Variants in PFKFB3 observed in about 807,000 individuals in gnomAD.
PFKFB3 encodes the protein 6-phosphofructo-2-kinase/fructose-2,6-biphosphatase 3, also known as 6-phosphofructo-2-kinase/fructose-2,6-bisphosphatase 3.
PFKFB3 carries 33 observed loss-of-function variants against 68.0 expected under a neutral mutation model. That is an observed-to-expected ratio of 0.49 (90% CI 0.37 to 0.65). PFKFB3 has a LOEUF of 0.65. PFKFB3 is among the 30% of genes least tolerant of loss of function. The pLI, the probability that PFKFB3 is intolerant of heterozygous loss-of-function variation, is 0.00. For synonymous variants in PFKFB3, 315 were observed against 288.2 expected, an observed-to-expected ratio of 1.09 and a Z score of -0.94; for missense variants, 586 against 712.2, an observed-to-expected ratio of 0.82 and a Z score of 2.02.
chr10:6,209,018 A>C (rs2131901887), intron 1 of PFKFB3, among the ~76,000 whole-genome samples: 1 of 152,328 alleles, frequency 6.6e-6, no homozygotes, highest in East Asian at 1.9e-4. Context: ...ACTCAGCCAC[A>C]TTGACCCTGT....
the PFKFB3 span, among the ~76,000 whole-genome samples, chr10:6,278,423 G>A: frequency 7.5e-4 from 113 of 151,496 alleles, 1 homozygote; most frequent in Non-Finnish European, 1.3e-3. Context: ...TTACAGGCAC[G>A]CACCACCACA....
At position 6,229,521 on chromosome 10, in the gene PFKFB3, C is replaced by T. The variant is rs1352886315; in HGVS notation, c.1515+3156C>T. ...GGACCCTCGTGTACCCCCACAGCCA[C>T]CCCCTTGCAGCTGCTTCCCACAGCC... is the stretch of plus-strand genomic sequence containing the variant. On this transcript the variant is annotated intron_variant, in intron 14 of 14. Coordinates refer to ENST00000379775, the MANE Select transcript of PFKFB3 (RefSeq NM_004566.4). The surrounding 1 kb of genome is among the most constrained non-coding windows in gnomAD (Gnocchi z 4.3). Among the ~76,000 whole-genome samples the T allele has an allele frequency of 6.6e-6, 1 of 152,174 alleles. No homozygotes were observed. Among genetic ancestry groups the T allele is most frequent in the East Asian group, 1.9e-4 (1 of 5,186 alleles).
At chr10:6,151,206 C>A (rs10905905) in intron 1 of PFKFB3, among the ~76,000 whole-genome samples, 2 of 151,908 alleles carry the variant, frequency 1.3e-5, no homozygotes, top group East Asian at 1.9e-4. Flanking sequence ...ATCTTGTGTG[C>A]GGGTCTGAGC....
the PFKFB3 span, among the ~76,000 whole-genome samples, chr10:6,295,517 C>T: frequency 5.2e-5 from 7 of 134,860 alleles, no homozygotes; most frequent in Non-Finnish European, 1.0e-4. Context: ...TGAACCACCG[C>T]ACCCAGCCAA....
the PFKFB3 span, among the ~76,000 whole-genome samples, chr10:6,297,425 GA>G: frequency 3.9e-5 from 6 of 152,186 alleles, no homozygotes; most frequent in East Asian, 1.2e-3. Context: ...TGTGGCCCAA[GA>G]GCAGGAGCAG....
At chr10:6,282,330 G>C in the PFKFB3 span, among the ~76,000 whole-genome samples, 1 of 152,138 alleles carries the variant, frequency 6.6e-6, no homozygotes, top group Non-Finnish European at 1.5e-5. Context: ...CCTCTCCACT[G>C]GTTCTCAGAT....
intron 14 of PFKFB3, among the ~76,000 whole-genome samples, chr10:6,244,672 A>T (rs913573001): frequency 2.6e-5 from 4 of 152,252 alleles, no homozygotes; most frequent in African/African-American, 9.6e-5. Context: ...TTCTAAATCC[A>T]CAGCTCACAA....
chr10:6,213,968 T>C (rs756567), intron 2 of PFKFB3, among the ~76,000 whole-genome samples: 54,505 of 151,938 alleles, frequency 0.36, 11,621 homozygotes, highest in African/African-American at 0.6. Context: ...TTCCCACTCC[T>C]CTAAGTCCTG....
intron 1 of PFKFB3, among the ~76,000 whole-genome samples, chr10:6,186,915 C>T (rs653659): frequency 0.45 from 68,507 of 151,950 alleles, 16,566 homozygotes; most frequent in Non-Finnish European, 0.56. Flanking sequence ...ACCCCTTCTC[C>T]TTGCTTCCTC....
chr10:6,145,075 G>T (rs1841332320), intron 1 of PFKFB3: 5 of 1,254,730 alleles, frequency 4.0e-6, no homozygotes, highest in Non-Finnish European at 5.1e-6. Context: ...GCGGCCGCCT[G>T]TGGGTACCCG....
chr10:6,223,043 G>A (rs1845079027), intron 11 of PFKFB3, 59 bp downstream of exon 11: 1 of 1,553,524 alleles, frequency 6.4e-7, no homozygotes, highest in Non-Finnish European at 8.7e-7. Context: ...CACTCGGCGG[G>A]GGGTCAGCCG....
intron 14 of PFKFB3, chr10:6,231,384 C>T: frequency 1.9e-6 from 3 of 1,605,724 alleles, no homozygotes; most frequent in Non-Finnish European, 2.5e-6. Context: ...TGCAGACTGG[C>T]CATCGTGCAA....
chr10:6,166,842 T>C (rs1485723901), intron 1 of PFKFB3, among the ~76,000 whole-genome samples: 1 of 111,954 alleles, frequency 8.9e-6, no homozygotes, highest in South Asian at 2.6e-4. Context: ...TTTTTTTTTT[T>C]ATTTGAGACA....
intron 14 of PFKFB3, among the ~76,000 whole-genome samples, chr10:6,226,641 A>G (rs1845380399): frequency 6.6e-6 from 1 of 152,156 alleles, no homozygotes; most frequent in African/African-American, 2.4e-5. Flanking sequence ...CTTTCTGAGG[A>G]TGGGGTCTTT....
At chr10:6,271,122 G>A in the PFKFB3 span, among the ~76,000 whole-genome samples, 7 of 152,280 alleles carry the variant, frequency 4.6e-5, no homozygotes, top group South Asian at 4.1e-4. Context: ...CACTTCCCCC[G>A]TCTGGAACCT....
chr10:6,243,512 G>C (rs919382408), intron 14 of PFKFB3, among the ~76,000 whole-genome samples: 3 of 152,188 alleles, frequency 2.0e-5, no homozygotes, highest in Non-Finnish European at 4.4e-5. Context: ...GCAGGCTCTG[G>C]GTGCTGTCAC....
chr10:6,217,709 T>C (rs1444843765), intron 6 of PFKFB3, among the ~76,000 whole-genome samples: 1 of 152,174 alleles, frequency 6.6e-6, no homozygotes, highest in Non-Finnish European at 1.5e-5. Flanking sequence ...GCAGGGGAGC[T>C]TGCCCAGATA....
chr10:6,163,864 C>G (rs611911), intron 1 of PFKFB3: 93,966 of 151,886 alleles, frequency 0.62, 31,657 homozygotes, highest in Non-Finnish European at 0.77. Flanking sequence ...TGCTCTGCGG[C>G]GACTGTCCGG....
rs200324019 is a variant in PFKFB3, at chr10:6,226,582, G to GAT, written c.1515+218_1515+219dup. On this transcript the variant is annotated intron_variant, in intron 14 of 14. Coordinates refer to ENST00000379775, the MANE Select transcript of PFKFB3 (RefSeq NM_004566.4). ...CATAGGAAGCACCCTCCGAAGTTAAGATCCTGGGGGCTTTCCTTGCTGGTG... is the reference window on the plus strand; with the variant it reads ...CATAGGAAGCACCCTCCGAAGTTAAGATATCCTGGGGGCTTTCCTTGCTGGTG... 9.7e-3 allele frequency: 5,412 copies of GAT among 557,614 alleles called. 53 individuals carry two copies. Among genetic ancestry groups the GAT allele is most frequent in the Middle Eastern group, 0.031 (66 of 2,102 alleles). 34.5% of individuals were successfully genotyped at this position (557,614 alleles called of 1,614,324 possible).
Sources: allele counts gnomAD v4.1 joint callset (sites outside exome capture counted in the v4.1 genomes callset), GRCh38; gene constraint gnomAD v4.1.1; non-coding constraint Gnocchi (gnomAD v3.1); transcripts MANE v1.5; gene names NCBI Gene and HGNC (gene_info 2026-07-23, HGNC 2026-07-21).